NIBAN1: variants seen among roughly 807,000 people sequenced by gnomAD.
NIBAN1 encodes protein Niban 1.
Under a neutral mutation model 75.1 loss-of-function variants are expected in NIBAN1, and 81 were observed. That is an observed-to-expected ratio of 1.08 (90% CI 0.90 to 1.30). The LOEUF (loss-of-function observed/expected upper bound fraction) is 1.30. Among genes scored for constraint, NIBAN1 ranks in the 50% most tolerant of loss-of-function variants. The pLI is 0.00. For synonymous variants in NIBAN1, 436 were observed against 424.8 expected (o/e 1.03, Z -0.32); for missense variants, 1,133 against 1,128.1 (o/e 1.00, Z -0.06).
At chr1:184,941,160 A>C (rs1472434493) in intron 1 of NIBAN1, among the ~76,000 whole-genome samples, 2 of 152,242 alleles carry the variant, frequency 1.3e-5, no homozygotes, top group Admixed American at 1.3e-4. Flanking sequence ...GAAGAAATTA[A>C]GGAAAGTAAA....
rs534402519 is a variant in NIBAN1, at chr1:184,843,496, A to G, written c.602-11534T>C. ...TTGCTTCTTTCCAAATACCATCAAA[A>G]TACTCTGTGTGCTGAAGTTGTGATT... On this transcript the variant is annotated intron_variant, in intron 5 of 13. Transcript: ENST00000367511. Among the ~76,000 whole-genome samples, 7 of 152,320 alleles carry G rather than the reference A, an allele frequency of 4.6e-5. No homozygotes were observed. In the South Asian group the frequency reaches 1.0e-3, roughly 23 times the overall value.
intron 8 of NIBAN1, 37 bp from the exon 9 acceptor site, chr1:184,818,862 G>T: frequency 6.5e-7 from 1 of 1,544,584 alleles, no homozygotes; most frequent in Non-Finnish European, 8.8e-7. Context: ...GTGACATATG[G>T]CAAAACTGGG....
At chr1:184,954,690 GGT>G (rs1423668820) in intron 1 of NIBAN1, among the ~76,000 whole-genome samples, 1 of 152,134 alleles carries the variant, frequency 6.6e-6, no homozygotes, top group East Asian at 1.9e-4. Context: ...AGTATATTCT[GGT>G]TTGAACTGGA....
intron 1 of NIBAN1, among the ~76,000 whole-genome samples, chr1:184,940,486 A>C (rs1010273467): frequency 2.1e-4 from 32 of 152,238 alleles, no homozygotes; most frequent in African/African-American, 7.7e-4. Context: ...TGGCTTTAAA[A>C]TATAGGAAAG....
intron 1 of NIBAN1, among the ~76,000 whole-genome samples, chr1:184,966,574 G>C (rs1658789685): frequency 1.3e-5 from 2 of 152,124 alleles, no homozygotes; most frequent in Admixed American, 1.3e-4. Flanking sequence ...TGAAAATAGT[G>C]GTCATTTTTG....
intron 1 of NIBAN1, among the ~76,000 whole-genome samples, chr1:184,970,112 G>A (rs1180953129): frequency 6.7e-6 from 1 of 149,906 alleles, no homozygotes; most frequent in African/African-American, 2.5e-5. Flanking sequence ...CGAGGCTGCA[G>A]TGAGCCATGA....
At chr1:184,864,251 G>A (rs906352172) in intron 5 of NIBAN1, among the ~76,000 whole-genome samples, 19 of 152,172 alleles carry the variant, frequency 1.2e-4, no homozygotes, top group African/African-American at 4.3e-4. Flanking sequence ...CACAGTGCTT[G>A]GCACACGGTA....
rs769823757 is a variant in NIBAN1, at chr1:184,823,627, C to A, written c.822+11G>T. 1 of 1,613,010 alleles carries A rather than the reference C, an allele frequency of 6.2e-7. No homozygotes were observed. The highest frequency in any genetic ancestry group is 8.5e-7 in the Non-Finnish European group (1 of 1,179,148). ...TGAGTAGCTCAGTTGTAGAGCAAAACCATTGCTTACACCAAGCCACGTCCT... is the reference window on the plus strand; with the variant it reads ...TGAGTAGCTCAGTTGTAGAGCAAAAACATTGCTTACACCAAGCCACGTCCT... On this transcript the variant is annotated intron_variant, in intron 7 of 13. Transcript: ENST00000367511.
chr1:184,867,515 A>G (rs655921), intron 5 of NIBAN1, among the ~76,000 whole-genome samples: 59,314 of 152,000 alleles, frequency 0.39, 12,035 homozygotes, highest in South Asian at 0.51. Context: ...ATCTTCAACT[A>G]TTATCCTCCT....
intron 5 of NIBAN1, among the ~76,000 whole-genome samples, chr1:184,852,465 G>A (rs1310427480): frequency 6.6e-6 from 1 of 152,132 alleles, no homozygotes; most frequent in African/African-American, 2.4e-5. Context: ...ATTTATCACT[G>A]TATCCTCAGG....
chr1:184,906,355 G>A (rs1205298120), intron 1 of NIBAN1, among the ~76,000 whole-genome samples: 1 of 152,108 alleles, frequency 6.6e-6, no homozygotes, highest in Non-Finnish European at 1.5e-5. Context: ...TCTTGGCTGG[G>A]CGCGGTGGCT....
At chr1:184,823,817 T>G in intron 6 of NIBAN1, 75 bp from the exon 7 acceptor site, 2 of 1,273,322 alleles carry the variant, frequency 1.6e-6, no homozygotes, top group East Asian at 2.3e-5. Context: ...ACTAAAAATG[T>G]CCTGATTGGC....
At chr1:184,862,650 C>T (rs1474912443) in intron 5 of NIBAN1, among the ~76,000 whole-genome samples, 1 of 152,180 alleles carries the variant, frequency 6.6e-6, no homozygotes, top group Non-Finnish European at 1.5e-5. Context: ...GGCATATCTT[C>T]AGTTGCCTGA....
intron 1 of NIBAN1, among the ~76,000 whole-genome samples, chr1:184,913,880 T>C (rs576861629): frequency 3.3e-5 from 5 of 152,320 alleles, no homozygotes; most frequent in Admixed American, 2.6e-4. Context: ...ATTGCAGCCA[T>C]GGATGCAAAT....
At chr1:184,897,788 TTC>T (rs1656839364) in intron 2 of NIBAN1, among the ~76,000 whole-genome samples, 1 of 152,114 alleles carries the variant, frequency 6.6e-6, no homozygotes, top group African/African-American at 2.4e-5. Context: ...CATCACTGAT[TTC>T]TCTCTTCTTC....
intron 5 of NIBAN1, among the ~76,000 whole-genome samples, chr1:184,842,989 CT>C (rs978770963): frequency 6.0e-4 from 91 of 152,270 alleles, no homozygotes; most frequent in African/African-American, 2.0e-3. Context: ...TTGTTCCCTC[CT>C]TAGCAGGTTA....
Position 184,936,015 on chromosome 1 carries a change from A to T in NIBAN1, c.56-36706T>A, listed in dbSNP as rs1385353987. Among the ~76,000 whole-genome samples the T allele has an allele frequency of 1.5e-4, 22 of 145,130 alleles. No individual in the cohort carries two copies. In the Admixed American group the frequency reaches 1.5e-3, roughly 10 times the overall value. ...ATATCTAACCCAACCTATTTTTGTGATAGATGAAAAAAAAAAAAAAACAGG... is the reference window on the plus strand; with the variant it reads ...ATATCTAACCCAACCTATTTTTGTGTTAGATGAAAAAAAAAAAAAAACAGG... On this transcript the variant is annotated intron_variant, in intron 1 of 13. Transcript: ENST00000367511.
At chr1:184,959,788 A>G (rs1468173758) in intron 1 of NIBAN1, among the ~76,000 whole-genome samples, 2 of 152,200 alleles carry the variant, frequency 1.3e-5, no homozygotes, top group South Asian at 2.1e-4. Context: ...TCTAACTCAT[A>G]TCTATCATAA....
chr1:184,875,854 C>A (rs1171126412), intron 5 of NIBAN1, among the ~76,000 whole-genome samples: 1 of 152,062 alleles, frequency 6.6e-6, no homozygotes, highest in South Asian at 2.1e-4. Context: ...ACAATAATCT[C>A]CCCAGTCCAA....
Sources: allele counts gnomAD v4.1 joint callset (sites outside exome capture counted in the v4.1 genomes callset), GRCh38; gene constraint gnomAD v4.1.1; transcripts MANE v1.5; gene names NCBI Gene and HGNC (gene_info 2026-07-23, HGNC 2026-07-21).